The following ZDHHC14 variants were observed in gnomAD, a reference collection of about 807,000 sequenced individuals.
The protein encoded by ZDHHC14 is palmitoyltransferase ZDHHC14.
ZDHHC14 carries 16 observed loss-of-function variants against 47.7 expected under a neutral mutation model. That is an observed-to-expected ratio of 0.34 (90% confidence interval 0.23 to 0.51). ZDHHC14 has a LOEUF of 0.51. Ranked by LOEUF, ZDHHC14 falls within the 20% of genes least tolerant of loss-of-function variation. The pLI, the probability that ZDHHC14 is intolerant of heterozygous loss-of-function variation, is 0.97. For missense variants in ZDHHC14, 515 were observed against 662.5 expected, an observed-to-expected ratio of 0.78 and a Z score of 2.44; for synonymous variants, 293 against 278.9, an observed-to-expected ratio of 1.05 and a Z score of -0.50.
intron 1 of ZDHHC14, among the ~76,000 whole-genome samples, chr6:157,443,402 T>C (rs1778598142): frequency 6.6e-6 from 1 of 152,212 alleles, no homozygotes; most frequent in Non-Finnish European, 1.5e-5. Context: ...GGGAGCATTG[T>C]GGCAGCACCC....
intron 2 of ZDHHC14, among the ~76,000 whole-genome samples, chr6:157,562,581 G>A (rs1044090557): frequency 2.0e-5 from 3 of 152,134 alleles, no homozygotes; most frequent in Non-Finnish European, 4.4e-5. Context: ...GGGACCCTAA[G>A]CTGCTGCCTC....
At chr6:157,603,236 C>T (rs779730095) in intron 3 of ZDHHC14, among the ~76,000 whole-genome samples, 6 of 152,222 alleles carry the variant, frequency 3.9e-5, no homozygotes, top group Non-Finnish European at 7.3e-5. Flanking sequence ...CTGCTATGTG[C>T]ACGTAGAGGG....
Position 157,382,010 on chromosome 6 carries a change from C to G in ZDHHC14, c.-12C>G. ...CCTGGGGGTGTGCGCCCCCAGCCGG[C>G]TGCCCTCGTGGATGCCTCCCGGCGG... On this transcript the variant is annotated 5_prime_UTR_variant, in exon 1 of 9. Coordinates refer to ENST00000359775, the MANE Select transcript of ZDHHC14 (RefSeq NM_024630.3). The G allele has an allele frequency of 7.0e-7, 1 of 1,433,600 alleles. No individual in the cohort carries two copies. Among genetic ancestry groups the G allele is most frequent in the East Asian group, 2.9e-5 (1 of 34,542 alleles). The allele number at this position is 1,433,600 out of a possible 1,614,324, so 88.8% of individuals were successfully genotyped here.
chr6:157,587,956 T>A (rs1783756749), intron 2 of ZDHHC14, among the ~76,000 whole-genome samples: 1 of 152,098 alleles, frequency 6.6e-6, no homozygotes, highest in Non-Finnish European at 1.5e-5. Flanking sequence ...CTTGTCTCTA[T>A]AAAAAATTTA....
In ZDHHC14 at chr6:157,673,550, A is replaced by C; in HGVS notation, c.*428A>C. 2.4e-5 allele frequency: 4 copies of C among 164,336 alleles called. No individual in the cohort carries two copies. The highest frequency in any genetic ancestry group is 3.9e-5 in the Non-Finnish European group (3 of 77,002). 10.2% of individuals were successfully genotyped at this position (164,336 alleles called of 1,614,324 possible). On this transcript the variant is annotated 3_prime_UTR_variant, in exon 9 of 9. Coordinates refer to ENST00000359775, the MANE Select transcript of ZDHHC14 (RefSeq NM_024630.3). The surrounding 1 kb of genome is among the most constrained non-coding windows in gnomAD (Gnocchi z 5.4). ...TAATTAAAAAAAAAAAAAATCCTAA[A>C]GGGAAAAAACCGACCAGGTGTGGAT...
At chr6:157,469,547 A>G (rs903914436) in intron 1 of ZDHHC14, among the ~76,000 whole-genome samples, 1 of 152,200 alleles carries the variant, frequency 6.6e-6, no homozygotes, top group African/African-American at 2.4e-5. Flanking sequence ...TCCTGACAAC[A>G]GAAGTTTATT....
At chr6:157,386,436 C>G (rs1400673524) in intron 1 of ZDHHC14, among the ~76,000 whole-genome samples, 5 of 152,078 alleles carry the variant, frequency 3.3e-5, no homozygotes, top group Admixed American at 1.3e-4. Flanking sequence ...TTGCTGTTAC[C>G]CATTCAGAAT....
intron 1 of ZDHHC14, among the ~76,000 whole-genome samples, chr6:157,424,155 C>T (rs1778169566): frequency 6.6e-6 from 1 of 152,182 alleles, no homozygotes; most frequent in African/African-American, 2.4e-5. Context: ...GTTTGAGAGG[C>T]AGCCACTGTG....
intron 5 of ZDHHC14, among the ~76,000 whole-genome samples, chr6:157,642,062 A>ATAGG (rs1248479592): frequency 2.0e-5 from 3 of 150,510 alleles, no homozygotes; most frequent in Admixed American, 6.6e-5. Context: ...AGATAGATAG[A>ATAGG]TAGATAGTTA....
At chr6:157,627,636 G>A (rs761245546) in intron 3 of ZDHHC14, among the ~76,000 whole-genome samples, 10 of 152,272 alleles carry the variant, frequency 6.6e-5, no homozygotes, top group South Asian at 2.1e-4. Context: ...TGCCAGAGGC[G>A]GCATGGACAG....
At chr6:157,641,121 G>A (rs1777228451) in intron 5 of ZDHHC14, among the ~76,000 whole-genome samples, 1 of 152,108 alleles carries the variant, frequency 6.6e-6, no homozygotes, top group African/African-American at 2.4e-5. Flanking sequence ...GAATTCCACA[G>A]TGTAGATGAA....
intron 8 of ZDHHC14, among the ~76,000 whole-genome samples, chr6:157,665,012 C>T (rs1778493201): frequency 6.6e-6 from 1 of 152,224 alleles, no homozygotes; most frequent in East Asian, 1.9e-4. Context: ...ATGGTCTGCT[C>T]AGACTCCAGC....
Position 157,444,384 on chromosome 6 carries a change from G to A in ZDHHC14, c.245+62118G>A, listed in dbSNP as rs181219118. Among the ~76,000 whole-genome samples, 846 of 152,282 alleles carry A rather than the reference G, an allele frequency of 5.6e-3. 3 individuals carry two copies. Among genetic ancestry groups the A allele is most frequent in the Non-Finnish European group, 7.9e-3 (540 of 68,022 alleles). ...GAGGCTCCAAGAGAACACTCAGTAAGAGGATATACTAGGCTGGGCATGGTG... is the reference window on the plus strand; with the variant it reads ...GAGGCTCCAAGAGAACACTCAGTAAAAGGATATACTAGGCTGGGCATGGTG... On this transcript the variant is annotated intron_variant, in intron 1 of 8. Coordinates refer to ENST00000359775, the MANE Select transcript of ZDHHC14 (RefSeq NM_024630.3).
At chr6:157,556,960 A>C (rs1782495195) in intron 2 of ZDHHC14, among the ~76,000 whole-genome samples, 1 of 152,070 alleles carries the variant, frequency 6.6e-6, no homozygotes, top group Non-Finnish European at 1.5e-5. Context: ...GTATCAGGGA[A>C]CTGGAGCGCA....
At chr6:157,607,620 G>C (rs1784591536) in intron 3 of ZDHHC14, among the ~76,000 whole-genome samples, 2 of 152,142 alleles carry the variant, frequency 1.3e-5, no homozygotes, top group Admixed American at 6.5e-5. Flanking sequence ...GGCAGGGTGA[G>C]GTCTGTGCAG....
intron 5 of ZDHHC14, among the ~76,000 whole-genome samples, chr6:157,639,476 T>C (rs1562523075): frequency 6.6e-6 from 1 of 152,138 alleles, no homozygotes; most frequent in Non-Finnish European, 1.5e-5. Flanking sequence ...GGCTAATTTT[T>C]TATATTTTTA....
At chr6:157,566,528 T>C (rs142304340) in intron 2 of ZDHHC14, among the ~76,000 whole-genome samples, 2,099 of 152,320 alleles carry the variant, frequency 0.014, 47 homozygotes, top group African/African-American at 0.049. Flanking sequence ...CTTACCACCC[T>C]GAAGAAGCGC....
intron 1 of ZDHHC14, among the ~76,000 whole-genome samples, chr6:157,431,659 A>G (rs1471564482): frequency 6.6e-6 from 1 of 152,230 alleles, no homozygotes; most frequent in Non-Finnish European, 1.5e-5. Context: ...ATCTGAACCA[A>G]ACAAGCCACA....
intron 1 of ZDHHC14, among the ~76,000 whole-genome samples, chr6:157,398,442 C>G (rs1777566380): frequency 1.3e-5 from 2 of 152,162 alleles, no homozygotes; most frequent in Non-Finnish European, 2.9e-5. Context: ...AATTGAGGGC[C>G]TGCTGAGCCA....
Sources: gnomAD v4.1 joint callset for allele counts (sites outside exome capture counted in the v4.1 genomes callset) on GRCh38, gnomAD v4.1.1 for gene constraint, Gnocchi (gnomAD v3.1) non-coding constraint, MANE v1.5 for transcripts, NCBI Gene and HGNC (gene_info 2026-07-23, HGNC 2026-07-21) for gene names.